Variants in LRRFIP2 observed in about 807,000 individuals in gnomAD.
The protein encoded by LRRFIP2 is LRR binding FLII interacting protein 2.
LRRFIP2 carries 109 observed loss-of-function variants against 125.9 expected under a neutral mutation model. The ratio of observed to expected loss-of-function variants is 0.87; its 90% confidence interval spans 0.74 to 1.01. The LOEUF is 1.01. LRRFIP2 is among the 50% of genes least tolerant of loss of function. The probability of loss-of-function intolerance (pLI) is 0.00; values close to 1 mark genes in which losing one functional copy is unlikely to be tolerated. For missense variants in LRRFIP2, 850 were observed against 862.3 expected (o/e 0.99, Z 0.18); for synonymous variants, 291 against 293.1 (o/e 0.99, Z 0.07).
chr3:37,086,297 T>C (rs1340241832), intron 18 of LRRFIP2, among the ~76,000 whole-genome samples: 1 of 152,212 alleles, frequency 6.6e-6, no homozygotes, highest in Non-Finnish European at 1.5e-5. Flanking sequence ...TGCAGCTACT[T>C]TGGAAAACAG....
At position 37,066,725 on chromosome 3, in the gene LRRFIP2, T is replaced by A. The variant is rs2090237946; in HGVS notation, c.1465-400A>T. On this transcript the variant is annotated intron_variant, in intron 21 of 27. Transcript: ENST00000336686. ...ACAAAAAAAACCCCACATTTCATGT[T>A]TAACTAAACTAGTTTATTCAAGAAT... is the stretch of plus-strand genomic sequence containing the variant. The A allele has an allele frequency of 2.3e-5, 4 of 170,316 alleles. No homozygotes were observed. In the South Asian group the frequency reaches 5.8e-4, roughly 25 times the overall value. 10.6% of individuals were successfully genotyped at this position (170,316 alleles called of 1,614,324 possible).
chr3:37,129,185 A>G (rs374096422), intron 2 of LRRFIP2, 36 bp from the exon 3 acceptor site: 10 of 1,568,308 alleles, frequency 6.4e-6, no homozygotes, highest in Non-Finnish European at 2.6e-6. Context: ...TTATACAACA[A>G]AAACAAAAAC....
At chr3:37,151,189 T>C (rs554244939) in intron 1 of LRRFIP2, among the ~76,000 whole-genome samples, 1 of 152,144 alleles carries the variant, frequency 6.6e-6, no homozygotes, top group African/African-American at 2.4e-5. Flanking sequence ...CGAAACCCCA[T>C]CTCTACTAAA....
At chr3:37,102,882 G>T in intron 15 of LRRFIP2, 42 bp downstream of exon 15, 1 of 1,297,514 alleles carries the variant, frequency 7.7e-7, no homozygotes, top group Non-Finnish European at 1.1e-6. Flanking sequence ...TTAGTCACAA[G>T]CCTGGGACAA....
chr3:37,106,303 T>C (rs2094321319), intron 13 of LRRFIP2, among the ~76,000 whole-genome samples: 1 of 152,228 alleles, frequency 6.6e-6, no homozygotes, highest in African/African-American at 2.4e-5. Context: ...TTCATTCCTA[T>C]GCAGCTAGTG....
intron 18 of LRRFIP2, among the ~76,000 whole-genome samples, chr3:37,085,231 C>T (rs1047920003): frequency 1.2e-4 from 18 of 152,054 alleles, no homozygotes; most frequent in African/African-American, 3.1e-4. Flanking sequence ...ATAAACCAGC[C>T]GGGTGCGGTG....
chr3:37,173,321 G>A (rs959978315), intron 1 of LRRFIP2, among the ~76,000 whole-genome samples: 2 of 152,030 alleles, frequency 1.3e-5, no homozygotes, highest in Non-Finnish European at 2.9e-5. Context: ...TCCCATCTCA[G>A]CCTCACAAGC....
intron 1 of LRRFIP2, among the ~76,000 whole-genome samples, chr3:37,165,206 G>A (rs1342609550): frequency 1.3e-5 from 2 of 151,320 alleles, no homozygotes; most frequent in African/African-American, 4.9e-5. Context: ...CTGCACTCCA[G>A]CCTGGGTGAC....
intron 6 of LRRFIP2, among the ~76,000 whole-genome samples, chr3:37,119,753 G>A (rs576411642): frequency 5.3e-5 from 8 of 151,960 alleles, no homozygotes; most frequent in Non-Finnish European, 8.8e-5. Flanking sequence ...CTCCGCCCAC[G>A]GATCCAACTG....
At chr3:37,084,785 A>G (rs1167418954) in intron 18 of LRRFIP2, among the ~76,000 whole-genome samples, 1 of 152,220 alleles carries the variant, frequency 6.6e-6, no homozygotes, top group African/African-American at 2.4e-5. Context: ...TGCCTAAAAT[A>G]GCTTACATGT....
At chr3:37,115,536 C>A (rs1304508558) in intron 6 of LRRFIP2, among the ~76,000 whole-genome samples, 1 of 152,186 alleles carries the variant, frequency 6.6e-6, no homozygotes, top group East Asian at 1.9e-4. Flanking sequence ...ATGAGGCAAG[C>A]TGACATAACA....
At chr3:37,129,822 G>A (rs1000946119) in intron 2 of LRRFIP2, among the ~76,000 whole-genome samples, 1 of 152,100 alleles carries the variant, frequency 6.6e-6, no homozygotes, top group Non-Finnish European at 1.5e-5. Context: ...ATGAAACCCT[G>A]TCTCTACTAA....
chr3:37,108,053 G>A lies in LRRFIP2; in HGVS notation c.714+20C>T. On this transcript the variant is annotated intron_variant, in intron 13 of 27. Coordinates refer to ENST00000336686, the MANE Select transcript of LRRFIP2 (RefSeq NM_006309.4). ...ACAATCAAAAATTTCTACAAAGCAT[G>A]CAGAGACTAGACAGCTCACCCCTGG... 1.2e-6 allele frequency: 2 copies of A among 1,608,600 alleles called. No individual in the cohort carries two copies. The highest frequency in any genetic ancestry group is 1.7e-6 in the Non-Finnish European group (2 of 1,175,842).
At chr3:37,105,705 T>G (rs561885389) in intron 13 of LRRFIP2, among the ~76,000 whole-genome samples, 182 bp from the exon 14 acceptor site, 3 of 152,188 alleles carry the variant, frequency 2.0e-5, no homozygotes, top group Non-Finnish European at 4.4e-5. Flanking sequence ...TAATAAACTG[T>G]TATTAAAAAT....
chr3:37,166,055 G>A (rs540455269), intron 1 of LRRFIP2, among the ~76,000 whole-genome samples: 99 of 152,220 alleles, frequency 6.5e-4, no homozygotes, highest in African/African-American at 2.3e-3. Flanking sequence ...TAAAAACTCT[G>A]GGCAGGGCGC....
At chr3:37,163,667 A>T (rs1435092973) in intron 1 of LRRFIP2, among the ~76,000 whole-genome samples, 2 of 152,250 alleles carry the variant, frequency 1.3e-5, no homozygotes, top group African/African-American at 4.8e-5. Flanking sequence ...GTAATTATTC[A>T]TTAAAGTAGT....
chr3:37,168,548 G>C (rs2096540848), intron 1 of LRRFIP2, among the ~76,000 whole-genome samples: 3 of 152,212 alleles, frequency 2.0e-5, no homozygotes, highest in Non-Finnish European at 1.5e-5. Flanking sequence ...TTAATGGGCA[G>C]AGCTTGTTTA....
At chr3:37,094,278 A>G (rs1309440139) in intron 17 of LRRFIP2, among the ~76,000 whole-genome samples, 3 of 152,172 alleles carry the variant, frequency 2.0e-5, no homozygotes, top group East Asian at 1.9e-4. Flanking sequence ...TTTTCCAAGT[A>G]AAGGGGTTAA....
chr3:37,093,660 T>C (rs1459321156), intron 17 of LRRFIP2, among the ~76,000 whole-genome samples: 3 of 152,190 alleles, frequency 2.0e-5, no homozygotes, highest in East Asian at 3.8e-4. Context: ...AGTTATTTTT[T>C]AAGAATGCAA....
Sources: allele counts gnomAD v4.1 joint callset (sites outside exome capture counted in the v4.1 genomes callset), GRCh38; gene constraint gnomAD v4.1.1; transcripts MANE v1.5; gene names NCBI Gene and HGNC (gene_info 2026-07-23, HGNC 2026-07-21).